MSI2: variants seen among roughly 807,000 people sequenced by gnomAD.
The protein encoded by MSI2 is RNA-binding protein Musashi homolog 2.
MSI2 carries 17 observed loss-of-function variants against 45.6 expected under a neutral mutation model. That is an observed-to-expected ratio of 0.37 (90% CI 0.26 to 0.56). The LOEUF (loss-of-function observed/expected upper bound fraction) is 0.56, where lower values mean the gene tolerates loss of function less well. MSI2 is among the 20% of genes least tolerant of loss of function. MSI2 has a pLI of 0.77. For missense variants in MSI2, 293 were observed against 444.2 expected, an observed-to-expected ratio of 0.66 and a Z score of 3.06; for synonymous variants, 156 against 158.2, an observed-to-expected ratio of 0.99 and a Z score of 0.11.
chr17:57,589,309 G>T (rs1049980199), intron 7 of MSI2, among the ~76,000 whole-genome samples: 2 of 152,190 alleles, frequency 1.3e-5, no homozygotes, highest in Admixed American at 1.3e-4. Context: ...CTTTTGAAAA[G>T]GTAGCTTGTT....
At chr17:57,313,461 A>G (rs1912580455) in intron 5 of MSI2, among the ~76,000 whole-genome samples, 2 of 152,228 alleles carry the variant, frequency 1.3e-5, no homozygotes, top group Admixed American at 1.3e-4. Context: ...GATAAATGCT[A>G]GTCTGTAGAA....
chr17:57,553,137 C>T (rs1018929441), intron 7 of MSI2, among the ~76,000 whole-genome samples: 1 of 151,254 alleles, frequency 6.6e-6, no homozygotes, highest in East Asian at 1.9e-4. Flanking sequence ...TGTCCATCCC[C>T]GCAGCTAGAG....
intron 7 of MSI2, among the ~76,000 whole-genome samples, chr17:57,572,523 A>C (rs1004749973): frequency 1.3e-5 from 2 of 152,202 alleles, no homozygotes; most frequent in Admixed American, 1.3e-4. Flanking sequence ...CCTGAATTCA[A>C]GATATTCTGT....
Position 57,516,517 on chromosome 17 carries a change from G to A in MSI2, c.406-13159G>A, listed in dbSNP as rs540676872. Among the ~76,000 whole-genome samples, 6 of 152,204 alleles carry A rather than the reference G, an allele frequency of 3.9e-5. No homozygotes were observed. The East Asian group carries it at 9.6e-4, about 24-fold the overall frequency. On this transcript the variant is annotated intron_variant, in intron 6 of 13. Coordinates refer to ENST00000284073, the MANE Select transcript of MSI2 (RefSeq NM_138962.4). ...TTACAAAGTTAAACCTCACTCATCC[G>A]TACTGATTTCACAACTTTGTAGTTA...
chr17:57,668,333 G>T (rs1160260137), intron 11 of MSI2, among the ~76,000 whole-genome samples: 1 of 152,120 alleles, frequency 6.6e-6, no homozygotes, highest in Non-Finnish European at 1.5e-5. Flanking sequence ...GGCTAATAGT[G>T]ATATTATCTC....
In MSI2 at chr17:57,488,846, G is replaced by C. The variant is rs547958152; in HGVS notation, c.406-40830G>C. Among the ~76,000 whole-genome samples the C allele has an allele frequency of 3.3e-5, 5 of 151,938 alleles. No homozygotes were observed. In the South Asian group the frequency reaches 8.3e-4, roughly 25 times the overall value. On this transcript the variant is annotated intron_variant, in intron 6 of 13. Transcript: ENST00000284073. ...TCTAAAAAAAAAAAAAATGTGTTCAGATCCTGCAAAGTGACAGCACATTAG... is the reference window on the plus strand; with the variant it reads ...TCTAAAAAAAAAAAAAATGTGTTCACATCCTGCAAAGTGACAGCACATTAG...
intron 10 of MSI2, among the ~76,000 whole-genome samples, chr17:57,638,701 G>A (rs568300351): frequency 6.6e-6 from 1 of 152,152 alleles, no homozygotes; most frequent in African/African-American, 2.4e-5. Flanking sequence ...ACCAGCCTGG[G>A]CAACATAGTG....
At chr17:57,564,515 C>T (rs1181052732) in intron 7 of MSI2, among the ~76,000 whole-genome samples, 1 of 152,136 alleles carries the variant, frequency 6.6e-6, no homozygotes, top group East Asian at 1.9e-4. Context: ...GATGGTGAGG[C>T]CATTCTACCC....
At chr17:57,497,256 C>T (rs2085998743) in intron 6 of MSI2, among the ~76,000 whole-genome samples, 1 of 152,238 alleles carries the variant, frequency 6.6e-6, no homozygotes. Flanking sequence ...GGATTACAGG[C>T]ATGAGCCACT....
At chr17:57,662,625 G>T (rs974160993) in intron 11 of MSI2, among the ~76,000 whole-genome samples, 3 of 152,210 alleles carry the variant, frequency 2.0e-5, no homozygotes, top group Admixed American at 2.0e-4. Context: ...ACGCTCCATC[G>T]TACCAGCCCT....
At chr17:57,402,954 CCA>C (rs761835431) in intron 6 of MSI2, among the ~76,000 whole-genome samples, 1 of 152,138 alleles carries the variant, frequency 6.6e-6, no homozygotes, top group Non-Finnish European at 1.5e-5. Context: ...GGGGATTTGT[CCA>C]TCACCCAGCC....
At chr17:57,437,407 C>T (rs567313302) in intron 6 of MSI2, among the ~76,000 whole-genome samples, 2 of 152,222 alleles carry the variant, frequency 1.3e-5, no homozygotes, top group African/African-American at 4.8e-5. Flanking sequence ...GGTCAGAACT[C>T]GAATTCCAAT....
intron 6 of MSI2, among the ~76,000 whole-genome samples, chr17:57,460,591 A>AT: frequency 6.6e-6 from 1 of 152,118 alleles, no homozygotes; most frequent in East Asian, 1.9e-4. Context: ...GAGAGTACTA[A>AT]TGGGACATGA....
chr17:57,445,004 TAA>T (rs1016546942), intron 6 of MSI2, among the ~76,000 whole-genome samples: 1 of 152,148 alleles, frequency 6.6e-6, no homozygotes, highest in African/African-American at 2.4e-5. Flanking sequence ...GCTGAATTTT[TAA>T]AAAGTGGAGT....
At chr17:57,430,536 G>T (rs1257048921) in intron 6 of MSI2, among the ~76,000 whole-genome samples, 1 of 152,194 alleles carries the variant, frequency 6.6e-6, no homozygotes, top group Non-Finnish European at 1.5e-5. Context: ...TCACTCAAAA[G>T]TTCTCGTTAA....
At chr17:57,639,352 C>T (rs1389664523) in intron 10 of MSI2, among the ~76,000 whole-genome samples, 1 of 152,246 alleles carries the variant, frequency 6.6e-6, no homozygotes, top group Non-Finnish European at 1.5e-5. Context: ...CGCATTCCTA[C>T]CTCCATGGAT....
chr17:57,393,648 G>T (rs1476046228), intron 5 of MSI2, among the ~76,000 whole-genome samples: 2 of 152,052 alleles, frequency 1.3e-5, no homozygotes, highest in Admixed American at 1.3e-4. Flanking sequence ...CGGAATTGCT[G>T]GATCATATGG....
chr17:57,692,999 A>G, the MSI2 span, among the ~76,000 whole-genome samples: 1 of 148,658 alleles, frequency 6.7e-6, no homozygotes, highest in Non-Finnish European at 1.5e-5. Flanking sequence ...ATTATTTTGG[A>G]GACATTCTCA....
At position 57,257,576 on chromosome 17, in the gene MSI2, T is replaced by TAAATAAAGACAAA. The variant is rs763456526; in HGVS notation, c.185+29_185+30insAAATAAAGACAAA. 2.0e-6 allele frequency: 3 copies of TAAATAAAGACAAA among 1,477,124 alleles called. No individual in the cohort carries two copies. In the South Asian group the frequency reaches 3.4e-5, roughly 17 times the overall value. 91.5% of individuals were successfully genotyped at this position (1,477,124 alleles called of 1,614,324 possible). A position where few individuals can be genotyped will look rare whatever the true frequency, so the allele number is the denominator to read the frequency against. On this transcript the variant is annotated intron_variant, in intron 3 of 13. Coordinates refer to ENST00000284073, the MANE Select transcript of MSI2 (RefSeq NM_138962.4). ...AACCATTCCCTTCTGGATTTTGTCT[T>TAAATAAAGACAAA]TATTTTAGAACAAAGTTTAAGTTTT...
Sources: gnomAD v4.1 joint callset for allele counts (sites outside exome capture counted in the v4.1 genomes callset) on GRCh38, gnomAD v4.1.1 for gene constraint, MANE v1.5 for transcripts, NCBI Gene and HGNC (gene_info 2026-07-23, HGNC 2026-07-21) for gene names.